Variants in CYB5RL observed in about 807,000 individuals in gnomAD.
The protein encoded by CYB5RL is NADH-cytochrome b5 reductase-like.
A neutral mutation model predicts 37.5 loss-of-function variants in CYB5RL; 38 were observed. That is an observed-to-expected ratio of 1.01 (90% CI 0.78 to 1.33). The LOEUF is 1.33. CYB5RL is among the 40% of genes most tolerant of loss of function. CYB5RL has a pLI of 0.00. For missense variants in CYB5RL, 388 were observed against 394.4 expected, an observed-to-expected ratio of 0.98 and a Z score of 0.14; for synonymous variants, 141 against 151.9, an observed-to-expected ratio of 0.93 and a Z score of 0.53.
intron 6 of CYB5RL, chr1:54,180,059 A>G (rs1037541174): frequency 2.2e-6 from 1 of 451,272 alleles, no homozygotes; most frequent in African/African-American, 2.0e-5. Flanking sequence ...CAACGTGGCA[A>G]AACTCCGTCT....
intron 4 of CYB5RL, among the ~76,000 whole-genome samples, chr1:54,189,983 C>T (rs1643935013): frequency 6.6e-6 from 1 of 152,176 alleles, no homozygotes; most frequent in Admixed American, 6.5e-5. Flanking sequence ...TTTCTCTTTC[C>T]ATGCACACAT....
rs1270443679 is a variant in CYB5RL at position 54,172,679 on chromosome 1, G to A, written c.*1940C>T. On this transcript the variant is annotated 3_prime_UTR_variant, in exon 8 of 8. Transcript: ENST00000534324. ...CTTGCTAGGCTGTAAGTTCCCCGAT[G>A]GACATAACTGCATCTGCCTGGTGTG... 6.6e-6 allele frequency: 1 copy of A among 152,282 alleles called. No individual in the cohort carries two copies. Among genetic ancestry groups the A allele is most frequent in the Non-Finnish European group, 1.5e-5 (1 of 68,120 alleles). 9.4% of individuals were successfully genotyped at this position (152,282 alleles called of 1,614,324 possible). A position where few individuals can be genotyped will look rare whatever the true frequency, so the allele number is the denominator to read the frequency against.
intron 3 of CYB5RL, 37 bp downstream of exon 3, chr1:54,195,382 T>C (rs773920139): frequency 5.4e-5 from 82 of 1,522,074 alleles, no homozygotes; most frequent in Non-Finnish European, 6.5e-5. Flanking sequence ...AGTAGATTGT[T>C]GCCCTGGTGC....
Position 54,174,662 on chromosome 1 carries a change from A to C in CYB5RL, c.905T>G (p.Leu302Ter), listed in dbSNP as rs1202983538. The C allele has an allele frequency of 1.2e-6, 2 of 1,613,280 alleles. No individual in the cohort carries two copies. The highest frequency in any genetic ancestry group is 1.7e-5 in the Admixed American group (1 of 59,906). The change falls in exon 8 of 8, where the codon TTA becomes TGA. Residue 302 changes from leucine (L) to a stop codon, truncating the protein, a stop_gained. Transcript: ENST00000534324. LOFTEE classifies it high-confidence loss of function. ...GTCCTCAGTGAGGCCTGCGCACAGT[A>C]AGCACCTGGCTATGTCTTTGGTGAA... ...AEFTKDIARC[L>*]LCAGLTEDSY...
chr1:54,175,810 A>G, intron 7 of CYB5RL: 1 of 277,420 alleles, frequency 3.6e-6, no homozygotes, highest in Non-Finnish European at 7.6e-6. Context: ...ACATGGGAGG[A>G]TGTGCATAGA....
intron 1 of CYB5RL, among the ~76,000 whole-genome samples, chr1:54,199,408 C>A (rs1644052996): frequency 6.6e-6 from 1 of 152,186 alleles, no homozygotes; most frequent in Non-Finnish European, 1.5e-5. Context: ...AGAAAAATAA[C>A]TACGGAAAAG....
chr1:54,172,145 A>AC lies in CYB5RL; in HGVS notation c.*2473dup, dbSNP rs1219551168. ...CGGACTCTCTACTCCTTAAGTGGAG[A>AC]CCCCCTTAACACTCTTTTTGATTTT... On this transcript the variant is annotated 3_prime_UTR_variant, in exon 8 of 8. Coordinates refer to ENST00000534324, the MANE Select transcript of CYB5RL (RefSeq NM_001031672.4). 1.3e-5 allele frequency: 2 copies of AC among 151,692 alleles called. No homozygotes were observed. The highest frequency in any genetic ancestry group is 2.9e-5 in the Non-Finnish European group (2 of 68,056). 9.4% of individuals were successfully genotyped at this position (151,692 alleles called of 1,614,324 possible).
rs1659871480 is a variant in CYB5RL, at chr1:54,170,690, T to G, written c.*3929A>C. ...CCTCCCAAAGTGCTGGGATTACAGG[T>G]GTGAGCCACCGCGCCCGGCCCAGTA... is the stretch of plus-strand genomic sequence containing the variant. On this transcript the variant is annotated 3_prime_UTR_variant, in exon 8 of 8. Coordinates refer to ENST00000534324, the MANE Select transcript of CYB5RL (RefSeq NM_001031672.4). 5.2e-6 allele frequency: 1 copy of G among 192,028 alleles called. No homozygotes were observed. Among genetic ancestry groups the G allele is most frequent in the Non-Finnish European group, 1.1e-5 (1 of 90,478 alleles). The allele number at this position is 192,028 out of a possible 1,614,324, so 11.9% of individuals were successfully genotyped here.
In CYB5RL at chr1:54,174,614, C is replaced by G; in HGVS notation, c.*5G>C. On this transcript the variant is annotated 3_prime_UTR_variant, in exon 8 of 8. Transcript: ENST00000534324. ...ATGGCCTAGGCTTTGGAAGAGAGGC[C>G]AGGGCTAGAAGAGGAAATAGGAGTC... 1 of 1,603,070 alleles carries G rather than the reference C, an allele frequency of 6.2e-7. No individual in the cohort carries two copies. Among genetic ancestry groups the G allele is most frequent in the Non-Finnish European group, 8.5e-7 (1 of 1,175,354 alleles).
chr1:54,184,487 C>T, intron 5 of CYB5RL: 1 of 508,496 alleles, frequency 2.0e-6, no homozygotes, highest in East Asian at 3.4e-5. Flanking sequence ...GGATGAGAAT[C>T]CATAGGACCT....
At chr1:54,191,742 C>G (rs746879635) in intron 3 of CYB5RL, among the ~76,000 whole-genome samples, 1 of 152,244 alleles carries the variant, frequency 6.6e-6, no homozygotes, top group Non-Finnish European at 1.5e-5. Context: ...TTGGGCTTGG[C>G]ATTCAAGGCC....
chr1:54,188,792 A>C (rs185080269), intron 4 of CYB5RL, among the ~76,000 whole-genome samples: 3 of 152,274 alleles, frequency 2.0e-5, no homozygotes, highest in African/African-American at 7.2e-5. Context: ...CTCAAGTCCT[A>C]CTACGTACAA....
intron 5 of CYB5RL, chr1:54,185,922 A>G (rs547445262): frequency 8.4e-5 from 13 of 154,036 alleles, no homozygotes; most frequent in South Asian, 2.0e-4. Flanking sequence ...GTGATAGTGA[A>G]TAAGTCTCAT....
intron 2 of CYB5RL, 90 bp from the exon 3 acceptor site, chr1:54,195,805 A>C: frequency 9.1e-6 from 5 of 549,274 alleles, no homozygotes. Context: ...CTGTGCAAGC[A>C]CTGGGGATGG....
chr1:54,186,240 G>A (rs778335720), intron 5 of CYB5RL: 2 of 152,188 alleles, frequency 1.3e-5, no homozygotes, highest in Non-Finnish European at 2.9e-5. Context: ...TTACCCAAGA[G>A]GCCTTGAGAC....
rs1660238256 is a variant in CYB5RL at position 54,184,279 on chromosome 1, C to A, written c.436-14G>T. 4 of 1,610,392 alleles carry A rather than the reference C, an allele frequency of 2.5e-6. No homozygotes were observed. Among genetic ancestry groups the A allele is most frequent in the Non-Finnish European group, 2.5e-6 (3 of 1,177,596 alleles). ...CATCTGGTAGCACTGGAAGCAAACACAGGGAGACGTCAGCGGGACAGGTAC... is the reference window on the plus strand; with the variant it reads ...CATCTGGTAGCACTGGAAGCAAACAAAGGGAGACGTCAGCGGGACAGGTAC... On this transcript the variant is annotated splice_polypyrimidine_tract_variant and intron_variant, in intron 5 of 7. Transcript: ENST00000534324.
intron 7 of CYB5RL, chr1:54,175,699 TAAC>T: frequency 4.5e-6 from 2 of 440,204 alleles, no homozygotes; most frequent in Non-Finnish European, 9.1e-6. Flanking sequence ...CATTAAAAAA[TAAC>T]AATATAGCAA....
rs1489683929 is a variant in CYB5RL at position 54,189,265 on chromosome 1, G to A, written c.347+1483C>T. Among the ~76,000 whole-genome samples the A allele has an allele frequency of 6.6e-5, 10 of 152,222 alleles. No homozygotes were observed. The South Asian group carries it at 1.9e-3, about 28-fold the overall frequency. ...ACAGAGCACAGAGCATGGCTTGGCT[G>A]CAGAGCACTATGACGTCTGCTGCAA... On this transcript the variant is annotated intron_variant, in intron 4 of 7. Coordinates refer to ENST00000534324, the MANE Select transcript of CYB5RL (RefSeq NM_001031672.4).
chr1:54,174,111 A>G lies in CYB5RL; in HGVS notation c.*508T>C, dbSNP rs1659959967. On this transcript the variant is annotated 3_prime_UTR_variant, in exon 8 of 8. Transcript: ENST00000534324. ...TCAAGTCATAGAACCCAAGACCTTC[A>G]TGTGTCAGGCTCATGGCACTGGAGG... 5.7e-6 allele frequency: 1 copy of G among 174,586 alleles called. No individual in the cohort carries two copies. Among genetic ancestry groups the G allele is most frequent in the Admixed American group, 5.3e-5 (1 of 18,696 alleles). 10.8% of individuals were successfully genotyped at this position (174,586 alleles called of 1,614,324 possible).
Sources: gnomAD v4.1 joint callset for allele counts (sites outside exome capture counted in the v4.1 genomes callset) on GRCh38, gnomAD v4.1.1 for gene constraint, MANE v1.5 for transcripts, NCBI Gene and HGNC (gene_info 2026-07-23, HGNC 2026-07-21) for gene names.